The following GLI2 variants were observed in gnomAD, a reference collection of about 807,000 sequenced individuals.
GLI2 encodes GLI family zinc finger 2.
GLI2 carries 22 observed loss-of-function variants against 78.9 expected under a neutral mutation model. That is an observed-to-expected ratio of 0.28 (90% CI 0.20 to 0.40). The LOEUF (loss-of-function observed/expected upper bound fraction) is 0.40, where lower values mean the gene tolerates loss of function less well. GLI2 is among the 10% of genes least tolerant of loss of function. The probability of loss-of-function intolerance (pLI) is 1.00; values close to 1 mark genes in which losing one functional copy is unlikely to be tolerated. For synonymous variants in GLI2, 974 were observed against 963.7 expected (o/e 1.01, Z -0.20); for missense variants, 2,097 against 2,213.2 (o/e 0.95, Z 1.05).
chr2:120,809,149 C>G (rs755078705), intron 2 of GLI2, among the ~76,000 whole-genome samples: 2 of 152,166 alleles, frequency 1.3e-5, no homozygotes, highest in Admixed American at 6.5e-5. Flanking sequence ...ATGAGCAGAA[C>G]GTGGTATGTA....
chr2:120,942,600 A>G (rs1447192078), intron 3 of GLI2, among the ~76,000 whole-genome samples: 2 of 152,248 alleles, frequency 1.3e-5, no homozygotes, highest in Non-Finnish European at 2.9e-5. Context: ...TAGAACATGG[A>G]CATATCTCTG....
At chr2:120,819,519 C>T (rs1334123021) in intron 2 of GLI2, among the ~76,000 whole-genome samples, 6 of 152,058 alleles carry the variant, frequency 3.9e-5, no homozygotes, top group Non-Finnish European at 8.8e-5. Flanking sequence ...GGATTGCAGG[C>T]GTGAGTCACT....
At chr2:120,941,386 A>G (rs1483272996) in intron 3 of GLI2, among the ~76,000 whole-genome samples, 1 of 152,250 alleles carries the variant, frequency 6.6e-6, no homozygotes, top group Non-Finnish European at 1.5e-5. Flanking sequence ...ACCAAACAAC[A>G]AAACTCAAAC....
rs1451060439 is a variant in GLI2 at position 120,991,350 on chromosome 2, A to G, written c.*675A>G. ...GAATGAATAAAGCATCCAAGTATAT[A>G]TGAATGAATAAAGTATGTAAGTATC... On this transcript the variant is annotated 3_prime_UTR_variant, in exon 14 of 14. Coordinates refer to ENST00000361492, the MANE Select transcript of GLI2 (RefSeq NM_001374353.1). 1 of 152,726 alleles carries G rather than the reference A, an allele frequency of 6.5e-6. No homozygotes were observed. The highest frequency in any genetic ancestry group is 1.5e-5 in the Non-Finnish European group (1 of 68,166). The allele number at this position is 152,726 out of a possible 1,614,324, so 9.5% of individuals were successfully genotyped here.
intron 3 of GLI2, among the ~76,000 whole-genome samples, chr2:120,929,429 G>A (rs561198419): frequency 2.6e-5 from 4 of 152,316 alleles, no homozygotes; most frequent in South Asian, 4.1e-4. Flanking sequence ...AGAAACAGTC[G>A]TTACTAGTGT....
At chr2:120,771,838 A>G (rs965885373) in intron 1 of GLI2, among the ~76,000 whole-genome samples, 3 of 152,230 alleles carry the variant, frequency 2.0e-5, no homozygotes, top group Non-Finnish European at 4.4e-5. Context: ...GCAACCAAGT[A>G]GGTGGTGTGG....
At chr2:120,975,422 A>G (rs1220285376) in intron 9 of GLI2, among the ~76,000 whole-genome samples, 1 of 148,020 alleles carries the variant, frequency 6.8e-6, no homozygotes, top group Non-Finnish European at 1.5e-5. Context: ...GCTTTGAGCT[A>G]TATTCTATAT....
intron 2 of GLI2, among the ~76,000 whole-genome samples, chr2:120,924,996 C>G (rs1331741561): frequency 6.6e-6 from 1 of 152,220 alleles, no homozygotes; most frequent in Non-Finnish European, 1.5e-5. Flanking sequence ...CTCAGAGAGG[C>G]AAAGAAACTT....
At chr2:120,841,617 G>T (rs1457799203) in intron 2 of GLI2, among the ~76,000 whole-genome samples, 2 of 152,190 alleles carry the variant, frequency 1.3e-5, no homozygotes, top group African/African-American at 4.8e-5. Flanking sequence ...TTTACCGAGG[G>T]TCTTCTGTGT....
At chr2:120,857,886 G>A (rs867201002) in intron 2 of GLI2, among the ~76,000 whole-genome samples, 10 of 150,816 alleles carry the variant, frequency 6.6e-5, no homozygotes, top group Middle Eastern at 3.2e-3. Flanking sequence ...GTTTCTCCTC[G>A]TGGCCCACTG....
chr2:120,827,492 AATG>A (rs1446641801), intron 2 of GLI2, among the ~76,000 whole-genome samples: 1 of 152,202 alleles, frequency 6.6e-6, no homozygotes, highest in African/African-American at 2.4e-5. Flanking sequence ...TTCCTTGGAA[AATG>A]AAACAGAATT....
chr2:120,772,915 G>T (rs116213251), intron 1 of GLI2, among the ~76,000 whole-genome samples: 1,947 of 152,240 alleles, frequency 0.013, 41 homozygotes, highest in African/African-American at 0.045. Context: ...ACCCCGCAAG[G>T]TCTCCTTCCT....
intron 2 of GLI2, among the ~76,000 whole-genome samples, chr2:120,886,368 C>G (rs142485916): frequency 2.0e-5 from 3 of 151,986 alleles, no homozygotes; most frequent in African/African-American, 4.8e-5. Context: ...TGGGCTTAAG[C>G]GATTCTCCCA....
At chr2:120,956,273 A>C (rs1271945084) in intron 5 of GLI2, among the ~76,000 whole-genome samples, 1 of 152,070 alleles carries the variant, frequency 6.6e-6, no homozygotes, top group African/African-American at 2.4e-5. Flanking sequence ...CTCGGGCCTG[A>C]GCATTTGAAG....
In GLI2 at chr2:120,971,988, C is replaced by T. The variant is rs200853415; in HGVS notation, c.1107C>T (p.Val369=). 19 of 1,613,546 alleles carry T rather than the reference C, an allele frequency of 1.2e-5. No individual in the cohort carries two copies. The East Asian group carries it at 1.6e-4, about 13-fold the overall frequency. The change falls in exon 8 of 14, where the codon GTC becomes GTT. Residue 369 remains valine, a synonymous_variant. Coordinates refer to ENST00000361492, the MANE Select transcript of GLI2 (RefSeq NM_001374353.1). The part of the protein sequence containing the change: ...ESAVSSTVNP[V]AIHKRSKVKT... ...CCGTCAGCAGCACCGTCAACCCTGT[C>T]GCCATTCACAAGCGCAGCAAGGTCA... is the stretch of plus-strand genomic sequence containing the variant.
chr2:120,813,201 T>C (rs1341430427), intron 2 of GLI2, among the ~76,000 whole-genome samples: 1 of 152,138 alleles, frequency 6.6e-6, no homozygotes, highest in East Asian at 1.9e-4. Flanking sequence ...CAAGGAGGAA[T>C]TGGAGGCTTC....
At chr2:120,905,379 G>C (rs1258556268) in intron 2 of GLI2, among the ~76,000 whole-genome samples, 3 of 152,202 alleles carry the variant, frequency 2.0e-5, no homozygotes, top group Admixed American at 6.5e-5. Flanking sequence ...CTGCCTACCA[G>C]AGGGGCCAGC....
In GLI2 at chr2:120,988,431, GC is replaced by G; in HGVS notation, c.2470del (p.Leu824TrpfsTer71). 2 of 1,573,386 alleles carry G rather than the reference GC, an allele frequency of 1.3e-6. No individual in the cohort carries two copies. The highest frequency in any genetic ancestry group is 2.4e-5 in the East Asian group (1 of 42,402). On this transcript the variant is annotated frameshift_variant, in exon 14 of 14. Coordinates refer to ENST00000361492, the MANE Select transcript of GLI2 (RefSeq NM_001374353.1). LOFTEE classifies it low-confidence loss of function (END_TRUNC). Reference protein sequence around the residue: ...FSSRRSSEASPLGAGRPHNAS... With the variant: ...FSSRRSSEASXLGAGRPHNAS... ...CCAGCCGCCGCTCCAGCGAGGCCTC[GC>G]CCCTGGGCGCCGGCCGCCCGCACAA... is the stretch of plus-strand genomic sequence containing the variant.
chr2:120,908,409 C>T (rs1678650738), intron 2 of GLI2, among the ~76,000 whole-genome samples: 1 of 152,216 alleles, frequency 6.6e-6, no homozygotes, highest in Non-Finnish European at 1.5e-5. Context: ...CTTTCCCAAG[C>T]CCCTTGCATA....
Sources: allele counts gnomAD v4.1 joint callset (sites outside exome capture counted in the v4.1 genomes callset), GRCh38; gene constraint gnomAD v4.1.1; transcripts MANE v1.5; gene names NCBI Gene and HGNC (gene_info 2026-07-23, HGNC 2026-07-21).